TESC: variants seen among roughly 807,000 people sequenced by gnomAD.
The protein encoded by TESC is tescalcin, also known as calcineurin B homologous protein 3.
A neutral mutation model predicts 31.0 loss-of-function variants in TESC; 19 were observed. That is an observed-to-expected ratio of 0.61 (90% CI 0.43 to 0.90). TESC has a LOEUF of 0.90. TESC is among the 40% of genes least tolerant of loss of function. TESC has a pLI of 0.00. For synonymous variants in TESC, 109 were observed against 114.8 expected (o/e 0.95, Z 0.32); for missense variants, 248 against 303.8 (o/e 0.82, Z 1.36).
chr12:117,042,489 G>A (rs1190856142), intron 6 of TESC, among the ~76,000 whole-genome samples: 5 of 152,206 alleles, frequency 3.3e-5, no homozygotes, highest in Non-Finnish European at 7.3e-5. Context: ...GACCTCAGGG[G>A]AGAGGTCAGG....
intron 1 of TESC, among the ~76,000 whole-genome samples, chr12:117,096,353 T>C (rs1055583103): frequency 1.3e-5 from 2 of 152,206 alleles, no homozygotes; most frequent in African/African-American, 4.8e-5. Flanking sequence ...GGAAGGGCCC[T>C]GCCTGACCCA....
chr12:117,074,307 G>A (rs889967852), intron 2 of TESC, among the ~76,000 whole-genome samples: 1 of 152,136 alleles, frequency 6.6e-6, no homozygotes, highest in Non-Finnish European at 1.5e-5. Flanking sequence ...GGTTGAGGCT[G>A]CAGTGAGCTA....
At chr12:117,058,150 G>A (rs1487041473) in intron 2 of TESC, among the ~76,000 whole-genome samples, 1 of 152,100 alleles carries the variant, frequency 6.6e-6, no homozygotes, top group Non-Finnish European at 1.5e-5. Context: ...AATCCGGGAG[G>A]TGGAGGTTGC....
At chr12:117,065,095 C>A (rs984835697) in intron 2 of TESC, among the ~76,000 whole-genome samples, 6 of 152,208 alleles carry the variant, frequency 3.9e-5, no homozygotes, top group Admixed American at 3.3e-4. Context: ...ACTGAGAGGC[C>A]TCAGCGGAGG....
chr12:117,046,905 T>A, intron 4 of TESC, 67 bp from the exon 5 acceptor site: 2 of 1,490,706 alleles, frequency 1.3e-6, no homozygotes, highest in Non-Finnish European at 1.8e-6. Context: ...CCCTGAAATG[T>A]ACACTAAACT....
At chr12:117,074,745 G>A (rs1424592549) in intron 2 of TESC, among the ~76,000 whole-genome samples, 1 of 152,212 alleles carries the variant, frequency 6.6e-6, no homozygotes, top group African/African-American at 2.4e-5. Context: ...GGTGGCTGAA[G>A]AGCCCTTCCT....
chr12:117,071,229 T>C (rs570697421), intron 2 of TESC, among the ~76,000 whole-genome samples: 50 of 152,228 alleles, frequency 3.3e-4, no homozygotes, highest in Non-Finnish European at 5.7e-4. Context: ...ATTCATTCAT[T>C]TATTCACTCA....
chr12:117,042,015 T>C, intron 6 of TESC, 21 bp from the exon 7 acceptor site: 1 of 1,587,402 alleles, frequency 6.3e-7, no homozygotes, highest in Non-Finnish European at 8.6e-7. Context: ...AAGCACAGGG[T>C]GGACAGTGAG....
intron 6 of TESC, among the ~76,000 whole-genome samples, chr12:117,046,274 C>T (rs140402519): frequency 0.014 from 2,098 of 152,306 alleles, 27 homozygotes; most frequent in South Asian, 0.038. Flanking sequence ...TGAGCACTGA[C>T]TGAGGCCGGG....
chr12:117,039,637 G>A (rs3782189), intron 7 of TESC, among the ~76,000 whole-genome samples: 6,581 of 152,218 alleles, frequency 0.043, 354 homozygotes, highest in East Asian at 0.19. Context: ...TCATGGACGC[G>A]TTTTGTAAAC....
intron 6 of TESC, 113 bp from the exon 7 acceptor site, chr12:117,042,107 G>A: frequency 9.2e-7 from 1 of 1,088,752 alleles, no homozygotes; most frequent in Non-Finnish European, 1.3e-6. Flanking sequence ...GTAAGTTGTT[G>A]AGGCTGTTTG....
chr12:117,075,231 C>T, intron 2 of TESC, 40 bp downstream of exon 2: 1 of 1,603,554 alleles, frequency 6.2e-7, no homozygotes, highest in Non-Finnish European at 8.5e-7. Flanking sequence ...TTTGCAAGGG[C>T]ATGGCCCCAC....
intron 1 of TESC, among the ~76,000 whole-genome samples, chr12:117,090,687 G>A (rs1281128082): frequency 2.6e-5 from 4 of 152,218 alleles, no homozygotes; most frequent in African/African-American, 7.2e-5. Context: ...GTGGTGAGAA[G>A]CCACCTGTGT....
At chr12:117,071,262 C>T (rs1954968537) in intron 2 of TESC, among the ~76,000 whole-genome samples, 1 of 152,240 alleles carries the variant, frequency 6.6e-6, no homozygotes, top group African/African-American at 2.4e-5. Flanking sequence ...TTCATTTGAG[C>T]ACTCTCACAG....
intron 2 of TESC, among the ~76,000 whole-genome samples, chr12:117,072,231 C>T (rs1272321452): frequency 6.6e-6 from 1 of 152,118 alleles, no homozygotes; most frequent in Admixed American, 6.5e-5. Context: ...GCCTGTGAAC[C>T]CAGCTTAGAG....
chr12:117,046,525 C>T (rs760635917), intron 6 of TESC, 34 bp downstream of exon 6: 39 of 1,531,468 alleles, frequency 2.5e-5, no homozygotes, highest in Non-Finnish European at 3.3e-5. Flanking sequence ...GGGAAAGGCA[C>T]TGCGCGTCTC....
rs1339554694 is a variant in TESC, at chr12:117,046,738, C to A, written c.411+39G>T. The A allele has an allele frequency of 2.6e-6, 4 of 1,554,436 alleles. No individual in the cohort carries two copies. In the Admixed American group the frequency reaches 7.8e-5, roughly 30 times the overall value. ...GGTCGTGGGGGGCAGAGGGGGAAGG[C>A]ACCAGGAGCCCCGGGCGGGCCAGAG... On this transcript the variant is annotated intron_variant, in intron 5 of 7. Coordinates refer to ENST00000335209, the MANE Select transcript of TESC (RefSeq NM_017899.4).
At chr12:117,062,994 C>G (rs1476844953) in intron 2 of TESC, among the ~76,000 whole-genome samples, 1 of 152,186 alleles carries the variant, frequency 6.6e-6, no homozygotes, top group Non-Finnish European at 1.5e-5. Context: ...CACACACCTT[C>G]CAGGCCTCCT....
At chr12:117,062,615 GTGGT>G (rs57753621) in intron 2 of TESC, among the ~76,000 whole-genome samples, 9,040 of 152,230 alleles carry the variant, frequency 0.059, 541 homozygotes, top group South Asian at 0.16. Context: ...CAGTGGCATG[GTGGT>G]TGGTGCCTGG....
Sources: gnomAD v4.1 joint callset for allele counts (sites outside exome capture counted in the v4.1 genomes callset) on GRCh38, gnomAD v4.1.1 for gene constraint, MANE v1.5 for transcripts, NCBI Gene and HGNC (gene_info 2026-07-23, HGNC 2026-07-21) for gene names.